DACH2: variants seen among roughly 807,000 people sequenced by gnomAD.
DACH2 encodes dachshund homolog 2.
A neutral mutation model predicts 35.8 loss-of-function variants in DACH2; 17 were observed. That is an observed-to-expected ratio of 0.48 (90% CI 0.33 to 0.71). DACH2 has a LOEUF of 0.71. DACH2 is among the 30% of genes least tolerant of loss of function. The pLI, the probability that DACH2 is intolerant of heterozygous loss-of-function variation, is 0.02. For missense variants in DACH2, 469 were observed against 472.7 expected (o/e 0.99, Z 0.07); for synonymous variants, 195 against 177.3 (o/e 1.10, Z -0.79).
chrX:86,418,476 T>A (rs1444917587), intron 2 of DACH2, among the ~76,000 whole-genome samples: 2 of 112,062 alleles, frequency 1.8e-5, no homozygotes, highest in Non-Finnish European at 1.9e-5. Flanking sequence ...TCTGTGCACT[T>A]GCAGGCTCAA....
intron 1 of DACH2, among the ~76,000 whole-genome samples, chrX:86,290,793 G>T (rs1226883341): frequency 3.1e-5 from 3 of 96,492 alleles, no homozygotes; most frequent in Admixed American, 1.2e-4. Flanking sequence ...TCTCTGTTTT[G>T]GTACCAGTAC....
intron 6 of DACH2, among the ~76,000 whole-genome samples, chrX:86,722,519 G>GT (rs142794566): frequency 0.2 from 19,751 of 100,614 alleles, 1,495 homozygotes; most frequent in East Asian, 0.32. Context: ...TGGCTAATGT[G>GT]TTTTTTTTTT....
At chrX:86,357,827 C>T (rs190931776) in intron 1 of DACH2, among the ~76,000 whole-genome samples, 2,730 of 112,114 alleles carry the variant, frequency 0.024, 75 homozygotes, top group East Asian at 0.21. Context: ...TTGTGTATTT[C>T]CATGTTTTAT....
intron 6 of DACH2, among the ~76,000 whole-genome samples, chrX:86,726,918 T>C (rs1160758454): frequency 8.9e-6 from 1 of 112,258 alleles, no homozygotes; most frequent in Non-Finnish European, 1.9e-5. Context: ...TCCATCAGTC[T>C]CTGCTGAATT....
At chrX:86,670,763 C>T (rs1489144008) in intron 4 of DACH2, among the ~76,000 whole-genome samples, 1 of 112,195 alleles carries the variant, frequency 8.9e-6, no homozygotes, top group South Asian at 3.6e-4. Flanking sequence ...AGGTTCCTTT[C>T]TTCTGAAATA....
intron 2 of DACH2, among the ~76,000 whole-genome samples, chrX:86,398,393 G>T (rs1357185124): frequency 1.8e-5 from 2 of 112,076 alleles, no homozygotes; most frequent in Non-Finnish European, 3.8e-5. Context: ...ATTTCCTTCA[G>T]TTCTGCTCTG....
At chrX:86,366,550 G>C (rs1365777139) in intron 1 of DACH2, among the ~76,000 whole-genome samples, 2 of 111,261 alleles carry the variant, frequency 1.8e-5, no homozygotes, top group African/African-American at 6.5e-5. Context: ...CTTATAATGA[G>C]ATTGTATCAT....
At chrX:86,396,746 A>G (rs1325801369) in intron 2 of DACH2, among the ~76,000 whole-genome samples, 1 of 111,060 alleles carries the variant, frequency 9.0e-6, no homozygotes, top group Non-Finnish European at 1.9e-5. Flanking sequence ...CCATTGGTCT[A>G]TATCTCTGTT....
intron 3 of DACH2, among the ~76,000 whole-genome samples, chrX:86,610,216 G>T (rs554335227): frequency 9.0e-6 from 1 of 110,765 alleles, no homozygotes; most frequent in Non-Finnish European, 1.9e-5. Flanking sequence ...AGGCAAAGCT[G>T]CCTCTTCCTG....
intron 3 of DACH2, among the ~76,000 whole-genome samples, chrX:86,530,184 TA>T (rs918859997): frequency 5.4e-5 from 6 of 111,923 alleles, no homozygotes; most frequent in East Asian, 2.8e-4. Context: ...TTTACTAATT[TA>T]AAAAAACATG....
At chrX:86,596,227 C>A (rs1282122635) in intron 3 of DACH2, among the ~76,000 whole-genome samples, 1 of 111,570 alleles carries the variant, frequency 9.0e-6, no homozygotes, top group Non-Finnish European at 1.9e-5. Flanking sequence ...GTTTTCAATT[C>A]TTTTGAGTAT....
intron 6 of DACH2, among the ~76,000 whole-genome samples, chrX:86,730,570 A>T (rs1291764): frequency 0.23 from 25,092 of 111,001 alleles, 2,353 homozygotes; most frequent in Admixed American, 0.44. Context: ...AAATTTGTTG[A>T]TCCATTCATA....
intron 1 of DACH2, among the ~76,000 whole-genome samples, chrX:86,369,595 G>A (rs1204421670): frequency 1.8e-5 from 2 of 111,379 alleles, no homozygotes; most frequent in Non-Finnish European, 3.8e-5. Flanking sequence ...AAACAGCTTA[G>A]CTGAGTTCTG....
chrX:86,601,633 A>G (rs1007621147), intron 3 of DACH2, among the ~76,000 whole-genome samples: 1 of 112,247 alleles, frequency 8.9e-6, no homozygotes, highest in Non-Finnish European at 1.9e-5. Context: ...AAACACAAAT[A>G]TAACTGCTAA....
chrX:86,409,522 T>G (rs1232089797), intron 2 of DACH2, among the ~76,000 whole-genome samples: 5 of 110,729 alleles, frequency 4.5e-5, no homozygotes, highest in African/African-American at 1.6e-4. Context: ...TCTGGTCATT[T>G]AAAAGTGTGT....
At position 86,267,520 on chromosome X, in the gene DACH2, A is replaced by G. The variant is rs952720117; in HGVS notation, c.489-109304A>G. ...AAAATCAGTACTTAGTATAAACACT[A>G]ATGATTTAAATGTCTCTCAAAGATG... On this transcript the variant is annotated intron_variant, in intron 1 of 11. Transcript: ENST00000373125. 7.2e-5 allele frequency among the ~76,000 whole-genome samples: 8 copies of G among 111,855 alleles called. 1 individual carries two copies. The South Asian group carries it at 1.1e-3, about 15-fold the overall frequency.
In DACH2 at chrX:86,289,567, C is replaced by T. The variant is rs1194018182; in HGVS notation, c.489-87257C>T. Reference sequence around the variant, plus strand: ...GGTATATCTCCCAATGCTATCCCTCCCCCCTCCCCCCACCCCACAACAGTC... The same window carrying T: ...GGTATATCTCCCAATGCTATCCCTCTCCCCTCCCCCCACCCCACAACAGTC... On this transcript the variant is annotated intron_variant, in intron 1 of 11. Coordinates refer to ENST00000373125, the MANE Select transcript of DACH2 (RefSeq NM_053281.3). Among the ~76,000 whole-genome samples the T allele has an allele frequency of 5.9e-5, 4 of 68,215 alleles. No individual in the cohort carries two copies. In the South Asian group the frequency reaches 6.0e-3, roughly 103 times the overall value. 59.2% of individuals were successfully genotyped at this position (68,215 alleles called of 115,157 possible).
chrX:86,603,711 C>G (rs2039821026), intron 3 of DACH2, among the ~76,000 whole-genome samples: 2 of 111,458 alleles, frequency 1.8e-5, no homozygotes, highest in African/African-American at 6.5e-5. Flanking sequence ...GTAGCTTCCA[C>G]TCTTGCACTT....
intron 2 of DACH2, among the ~76,000 whole-genome samples, chrX:86,426,506 C>A (rs2036896134): frequency 8.9e-6 from 1 of 111,776 alleles, no homozygotes; most frequent in Admixed American, 9.5e-5. Flanking sequence ...AGGTAACTTT[C>A]TAATGTAATA....
Sources: gnomAD v4.1 joint callset for allele counts (sites outside exome capture counted in the v4.1 genomes callset) on GRCh38, gnomAD v4.1.1 for gene constraint, MANE v1.5 for transcripts, NCBI Gene and HGNC (gene_info 2026-07-23, HGNC 2026-07-21) for gene names.